The following ASB16 variants were observed in gnomAD, a reference collection of about 807,000 sequenced individuals.
ASB16 encodes ankyrin repeat and SOCS box containing 16.
A neutral mutation model predicts 39.1 loss-of-function variants in ASB16; 44 were observed. The ratio of observed to expected loss-of-function variants is 1.13; its 90% confidence interval spans 0.88 to 1.45. The LOEUF is 1.45. Among genes scored for constraint, ASB16 ranks in the 40% most tolerant of loss-of-function variants. The probability of loss-of-function intolerance (pLI) is 0.00; values close to 1 mark genes in which losing one functional copy is unlikely to be tolerated. For missense variants in ASB16, 698 were observed against 634.5 expected (o/e 1.10, Z -1.07); for synonymous variants, 305 against 286.7 (o/e 1.06, Z -0.64).
chr17:44,176,736 A>T lies in ASB16; in HGVS notation c.570-2A>T, dbSNP rs1393692719. 6 of 1,613,578 alleles carry T rather than the reference A, an allele frequency of 3.7e-6. No homozygotes were observed. The highest frequency in any genetic ancestry group is 1.7e-5 in the Admixed American group (1 of 60,012). ...CTCAGGACCTTGCTCTCTTGTCCCC[A>T]GGTGCGCCAAGTTGCTGCTGGAAGC... On this transcript the variant is annotated splice_acceptor_variant, in intron 2 of 4. Coordinates refer to ENST00000293414, the MANE Select transcript of ASB16 (RefSeq NM_080863.5). LOFTEE classifies it high-confidence loss of function.
chr17:44,178,402 G>A lies in ASB16; in HGVS notation c.*12G>A, dbSNP rs1371882928. 1.9e-6 allele frequency: 3 copies of A among 1,575,892 alleles called. No individual in the cohort carries two copies. The highest frequency in any genetic ancestry group is 1.8e-4 in the Middle Eastern group (1 of 5,596). Reference sequence around the variant, plus strand: ...GGTGCATCCAGTGAACCCCATGTCAGGCTGTCCCATGGTGTGTTCTGCCCC... The same window carrying A: ...GGTGCATCCAGTGAACCCCATGTCAAGCTGTCCCATGGTGTGTTCTGCCCC... On this transcript the variant is annotated 3_prime_UTR_variant, in exon 5 of 5. Transcript: ENST00000293414.
chr17:44,175,866 T>C (rs919891139), intron 2 of ASB16: 2 of 152,130 alleles, frequency 1.3e-5, no homozygotes, highest in African/African-American at 4.8e-5. Flanking sequence ...TAGGGGAAAG[T>C]GGAGGAGGAT....
chr17:44,178,254 G>A lies in ASB16; in HGVS notation c.1226G>A (p.Arg409Lys). The A allele has an allele frequency of 6.2e-7, 1 of 1,613,546 alleles. No individual in the cohort carries two copies. The highest frequency in any genetic ancestry group is 8.5e-7 in the Non-Finnish European group (1 of 1,179,972). Residue 409 changes from arginine (R) to lysine (K), a missense_variant, in exon 5 of 5, where the codon AGG (arginine) becomes AAG (lysine). Physicochemically the swap from Arg to Lys is conservative, Grantham distance 26. Coordinates refer to ENST00000293414, the MANE Select transcript of ASB16 (RefSeq NM_080863.5). ...SSALCMVNQPRQLQHLARLAV... is the reference protein window; with the variant it reads ...SSALCMVNQPKQLQHLARLAV... ...GCCCTGTGCATGGTGAACCAGCCAAGGCAGCTGCAGCACCTGGCCCGACTA... is the reference window on the plus strand; with the variant it reads ...GCCCTGTGCATGGTGAACCAGCCAAAGCAGCTGCAGCACCTGGCCCGACTA...
intron 2 of ASB16, chr17:44,176,202 T>A (rs1198640449): frequency 3.2e-5 from 5 of 157,468 alleles, no homozygotes; most frequent in South Asian, 1.8e-4. Flanking sequence ...AAAAAAAATT[T>A]AAAAAATTAG....
chr17:44,176,465 C>G, intron 2 of ASB16: 1 of 548,510 alleles, frequency 1.8e-6, no homozygotes, highest in Non-Finnish European at 3.3e-6. Context: ...GCAGTGAGTA[C>G]TATTTCTGGT....
In ASB16 at chr17:44,177,663, T is replaced by C. The variant is rs1397860227; in HGVS notation, c.1117T>C (p.Tyr373His). The C allele has an allele frequency of 6.2e-7, 1 of 1,613,886 alleles. No homozygotes were observed. The change falls in exon 4 of 5, where the codon TAT becomes CAT. Residue 373 changes from tyrosine to histidine, a missense_variant. Coordinates refer to ENST00000293414, the MANE Select transcript of ASB16 (RefSeq NM_080863.5). ...PRALEVLLNA[Y>H]PCVPSCETWV... Reference sequence around the variant, plus strand: ...GGCCCTGGAAGTCCTGCTTAATGCCTATCCTTGTGTCCCATCCTGTGAGAC... The same window carrying C: ...GGCCCTGGAAGTCCTGCTTAATGCCCATCCTTGTGTCCCATCCTGTGAGAC...
chr17:44,176,814 G>GT lies in ASB16; in HGVS notation c.647dup (p.Ala217GlyfsTer43), dbSNP rs1260860966. ...CGAGAGCCAGGAGACGCCCCTGCAC[G>GT]TGGCGGCGGCGCGCGGCCTGGAGCA... On this transcript the variant is annotated frameshift_variant, in exon 3 of 5. Transcript: ENST00000293414. LOFTEE classifies it high-confidence loss of function. 5.6e-6 allele frequency: 9 copies of GT among 1,612,580 alleles called. No homozygotes were observed. The African/African-American group carries it at 8.0e-5, about 14-fold the overall frequency.
Position 44,172,231 on chromosome 17 carries a change from C to A in ASB16, c.487C>A (p.Leu163Met). The part of the protein sequence containing the change: ...RAQFDCVRLL[L>M]TFGAKANVLT... ...CCAGTTTGACTGTGTGCGGCTGCTG[C>A]TGACCTTCGGAGCCAAGGCTAATGT... is the stretch of plus-strand genomic sequence containing the variant. The change falls in exon 2 of 5, where the codon CTG becomes ATG. Residue 163 changes from leucine (L) to methionine (M), a missense_variant. Transcript: ENST00000293414. The A allele has an allele frequency of 6.2e-7, 1 of 1,613,840 alleles. No homozygotes were observed. Among genetic ancestry groups the A allele is most frequent in the Non-Finnish European group, 8.5e-7 (1 of 1,180,044 alleles).
rs1038398602 is a variant in ASB16, at chr17:44,178,585, G to A, written c.*195G>A. 1 of 622,072 alleles carries A rather than the reference G, an allele frequency of 1.6e-6. No homozygotes were observed. The highest frequency in any genetic ancestry group is 2.7e-6 in the Non-Finnish European group (1 of 365,306). The allele number at this position is 622,072 out of a possible 1,614,324, so 38.5% of individuals were successfully genotyped here. ...CCACCTAGGTTCAAGCGATTCTTGTGCCCCAAACTTCCGAGTAGCTGGGAC... is the reference window on the plus strand; with the variant it reads ...CCACCTAGGTTCAAGCGATTCTTGTACCCCAAACTTCCGAGTAGCTGGGAC... On this transcript the variant is annotated 3_prime_UTR_variant, in exon 5 of 5. Transcript: ENST00000293414.
chr17:44,172,158 TGCCC>T lies in ASB16; in HGVS notation c.416_419del (p.Ala139ValfsTer24). 1 of 1,612,282 alleles carries T rather than the reference TGCCC, an allele frequency of 6.2e-7. No individual in the cohort carries two copies. Among genetic ancestry groups the T allele is most frequent in the African/African-American group, 1.3e-5 (1 of 75,026 alleles). On this transcript the variant is annotated frameshift_variant, in exon 2 of 5. Transcript: ENST00000293414. LOFTEE classifies it high-confidence loss of function. ...TGATCCGGCAGGGAGCTGAGCTGGA[TGCCC>T]GTGTCGGGGGTCGCGCTGCCTTGCA...
intron 2 of ASB16, among the ~76,000 whole-genome samples, chr17:44,175,233 A>T (rs1392392461): frequency 6.6e-6 from 1 of 151,292 alleles, no homozygotes; most frequent in Non-Finnish European, 1.5e-5. Context: ...CCCCATCTCT[A>T]CTAAAAAAAT....
In ASB16 at chr17:44,173,699, T is replaced by C. The variant is rs1477204296; in HGVS notation, c.569+1386T>C. Among the ~76,000 whole-genome samples, 9 of 152,132 alleles carry C rather than the reference T, an allele frequency of 5.9e-5. No individual in the cohort carries two copies. In the South Asian group the frequency reaches 1.0e-3, roughly 18 times the overall value. ...AATTAGCCGGGCATGGTGGTGTGCA[T>C]TGTAGTCCCAGCTACTCAGGAAAAG... On this transcript the variant is annotated intron_variant, in intron 2 of 4. Coordinates refer to ENST00000293414, the MANE Select transcript of ASB16 (RefSeq NM_080863.5).
intron 4 of ASB16, 72 bp downstream of exon 4, chr17:44,177,794 T>C: frequency 2.5e-6 from 4 of 1,570,556 alleles, no homozygotes; most frequent in Non-Finnish European, 2.6e-6. Flanking sequence ...ACCAGCCTCA[T>C]GGAGGGAGCA....
chr17:44,178,473 C>T lies in ASB16; in HGVS notation c.*83C>T, dbSNP rs1473231030. On this transcript the variant is annotated 3_prime_UTR_variant, in exon 5 of 5. Coordinates refer to ENST00000293414, the MANE Select transcript of ASB16 (RefSeq NM_080863.5). ...AACTGCGGAGGACCAGTTCCTGGCCCTCTTTTCTTTTCTTTTTGAGACCTA... is the reference window on the plus strand; with the variant it reads ...AACTGCGGAGGACCAGTTCCTGGCCTTCTTTTCTTTTCTTTTTGAGACCTA... 1.3e-5 allele frequency: 18 copies of T among 1,395,966 alleles called. No individual in the cohort carries two copies. Among genetic ancestry groups the T allele is most frequent in the Admixed American group, 1.3e-4 (5 of 39,100 alleles). The allele number at this position is 1,395,966 out of a possible 1,614,324, so 86.5% of individuals were successfully genotyped here.
intron 4 of ASB16, 99 bp from the exon 5 acceptor site, chr17:44,178,106 C>A: frequency 1.6e-6 from 2 of 1,269,148 alleles, no homozygotes; most frequent in Non-Finnish European, 2.2e-6. Context: ...ATGAAACACC[C>A]AGGTGGGTGC....
intron 2 of ASB16, chr17:44,176,504 G>A: frequency 1.5e-6 from 1 of 645,324 alleles, no homozygotes; most frequent in South Asian, 1.8e-5. Context: ...TGTGTCCTTG[G>A]CTGCACAAAT....
intron 2 of ASB16, among the ~76,000 whole-genome samples, chr17:44,172,834 C>T (rs1171855696): frequency 6.6e-6 from 1 of 150,778 alleles, no homozygotes; most frequent in African/African-American, 2.4e-5. Context: ...CCAGGCTGGT[C>T]TTGAACTCCT....
chr17:44,172,429 C>T (rs976259797), intron 2 of ASB16, 116 bp downstream of exon 2: 8 of 1,182,296 alleles, frequency 6.8e-6, no homozygotes, highest in African/African-American at 3.0e-5. Flanking sequence ...CATAAAGCAC[C>T]GCATATACAC....
At chr17:44,177,771 C>G in intron 4 of ASB16, 49 bp downstream of exon 4, 3 of 1,600,552 alleles carry the variant, frequency 1.9e-6, no homozygotes, top group Non-Finnish European at 1.7e-6. Context: ...AGCCACAGGC[C>G]TATTCCTTCA....
Sources: allele counts gnomAD v4.1 joint callset (sites outside exome capture counted in the v4.1 genomes callset), GRCh38; gene constraint gnomAD v4.1.1; transcripts MANE v1.5; gene names NCBI Gene and HGNC (gene_info 2026-07-23, HGNC 2026-07-21).